Variants in KDM2B observed in about 807,000 individuals in gnomAD.
KDM2B encodes the protein lysine demethylase 2B, also known as lysine-specific demethylase 2B.
KDM2B carries 26 observed loss-of-function variants against 150.0 expected under a neutral mutation model. The observed-to-expected ratio is 0.17, with a 90% CI of 0.13 to 0.24. The LOEUF is 0.24. Among genes scored for constraint, KDM2B ranks in the 10% least tolerant of loss-of-function variants. The pLI is 1.00. For synonymous variants in KDM2B, 734 were observed against 729.5 expected, an observed-to-expected ratio of 1.01 and a Z score of -0.10; for missense variants, 1,265 against 1,816.9, an observed-to-expected ratio of 0.70 and a Z score of 5.52.
At position 121,575,771 on chromosome 12, in the gene KDM2B, A is replaced by T. The variant is rs782453740; in HGVS notation, c.350+10T>A. On this transcript the variant is annotated intron_variant, in intron 3 of 22. Coordinates refer to ENST00000377071, the MANE Select transcript of KDM2B (RefSeq NM_032590.5). This position sits in a 1 kb window ranked among gnomAD's most constrained non-coding sequence, Gnocchi z 4.4. ...GACGGGGGAAGGAGTGATTAGTTTC[A>T]GCAACTTACTTAATTCCCAGTCCAT... is the stretch of plus-strand genomic sequence containing the variant. The T allele has an allele frequency of 6.2e-7, 1 of 1,600,326 alleles. No individual in the cohort carries two copies. Among genetic ancestry groups the T allele is most frequent in the South Asian group, 1.1e-5 (1 of 90,820 alleles).
chr12:121,569,857 TGA>T (rs1265384944), intron 4 of KDM2B, among the ~76,000 whole-genome samples: 1 of 151,764 alleles, frequency 6.6e-6, no homozygotes, highest in African/African-American at 2.4e-5. Flanking sequence ...TTTTTTTTTT[TGA>T]GACAGGATCT....
At chr12:121,580,429 T>C in intron 1 of KDM2B, 1 of 1,153,562 alleles carries the variant, frequency 8.7e-7, no homozygotes, top group Non-Finnish European at 1.1e-6. Flanking sequence ...CGGGCGCCGT[T>C]AGCGCCGTGG....
intron 6 of KDM2B, among the ~76,000 whole-genome samples, chr12:121,539,326 CAAAAAAAAAAAAAAAAAA>C (rs60048517): frequency 3.4e-5 from 2 of 58,592 alleles, no homozygotes; most frequent in African/African-American, 1.4e-4. Flanking sequence ...GACCCTCTCC[CAAAAAAAAAAAAAAAAAA>C]AAAAAAAAAA....
At chr12:121,532,757 C>G in intron 8 of KDM2B, 49 bp downstream of exon 8, 1 of 1,597,830 alleles carries the variant, frequency 6.3e-7, no homozygotes, top group Non-Finnish European at 8.6e-7. Flanking sequence ...AACCCTGGCT[C>G]AGGCCGCAGG....
chr12:121,440,417 G>A (rs1213631730), intron 21 of KDM2B: 6 of 415,046 alleles, frequency 1.4e-5, no homozygotes, highest in South Asian at 5.2e-5. Flanking sequence ...AGTCCAGGGG[G>A]AGGTGCCATC....
chr12:121,437,998 A>G lies in KDM2B; in HGVS notation c.3829+1859T>C, dbSNP rs142235571. ...GCCAGGCGTGGTGGCACACGCCTGTAATCCCAGCACTTTGGGAGGCAGAGG... is the reference window on the plus strand; with the variant it reads ...GCCAGGCGTGGTGGCACACGCCTGTGATCCCAGCACTTTGGGAGGCAGAGG... On this transcript the variant is annotated intron_variant, in intron 22 of 22. Coordinates refer to ENST00000377071, the MANE Select transcript of KDM2B (RefSeq NM_032590.5). Among the ~76,000 whole-genome samples the G allele has an allele frequency of 5.4e-3, 825 of 152,138 alleles. 3 individuals are homozygous for G. Among genetic ancestry groups the G allele is most frequent in the African/African-American group, 0.018 (766 of 41,534 alleles).
chr12:121,511,877 C>T (rs1319005473), intron 10 of KDM2B, among the ~76,000 whole-genome samples: 3 of 152,194 alleles, frequency 2.0e-5, no homozygotes. Flanking sequence ...GGGGGTGTCT[C>T]CCTCACGTTG....
chr12:121,581,020 G>C lies in KDM2B; in HGVS notation c.-109C>G, dbSNP rs1364428507. On this transcript the variant is annotated 5_prime_UTR_variant, in exon 1 of 23. Transcript: ENST00000377071. The stretch of plus-strand genomic sequence containing the variant: ...CACTCAAAGATGTGGACACACACAC[G>C]TACAGGAAATACAGCCAGACCAGAG... 8 of 1,435,888 alleles carry C rather than the reference G, an allele frequency of 5.6e-6. No homozygotes were observed. The East Asian group carries it at 1.9e-4, about 33-fold the overall frequency. The allele number at this position is 1,435,888 out of a possible 1,614,324, so 88.9% of individuals were successfully genotyped here.
In KDM2B at chr12:121,442,845, G is replaced by A. The variant is rs782724170; in HGVS notation, c.2605-9C>T. The A allele has an allele frequency of 4.6e-6, 7 of 1,517,888 alleles. No homozygotes were observed. Among genetic ancestry groups the A allele is most frequent in the African/African-American group, 4.2e-5 (3 of 71,514 alleles). 94.0% of individuals were successfully genotyped at this position (1,517,888 alleles called of 1,614,324 possible). ...TTCTTCCAGGACCGCCGCTGAGGGC[G>A]AGAGCGGAGACGCGTCAGCCTCTGG... On this transcript the variant is annotated splice_polypyrimidine_tract_variant and intron_variant, in intron 18 of 22. Transcript: ENST00000377071. This position sits in a 1 kb window ranked among gnomAD's most constrained non-coding sequence, Gnocchi z 7.7.
rs148118987 is a variant in KDM2B at position 121,445,531 on chromosome 12, G to A, written c.1960-113C>T. On this transcript the variant is annotated intron_variant, in intron 13 of 22. Transcript: ENST00000377071. ...CCCTTGGGCCTGCCAGGAGACCCCC[G>A]GAAAGTGGCCCAGGCACATTCGCTC... The A allele has an allele frequency of 6.3e-3, 6,828 of 1,081,798 alleles. 29 individuals are homozygous for A. Among genetic ancestry groups the A allele is most frequent in the Non-Finnish European group, 7.7e-3 (5,962 of 773,542 alleles). The allele number at this position is 1,081,798 out of a possible 1,614,324, so 67.0% of individuals were successfully genotyped here. A position where few individuals can be genotyped will look rare whatever the true frequency, so the allele number is the denominator to read the frequency against.
chr12:121,549,514 G>A lies in KDM2B; in HGVS notation c.522C>T (p.Ile174=). ...GCTTGGTGTGGCTGAACTCTAGGCT[G>A]ATGACGTTGTACAGCTTGTCCCGCT... ...EAQRDKLYNV[I]SLEFSHTKLE... The change falls in exon 5 of 23, where the codon ATC becomes ATT. Residue 174 remains isoleucine, a synonymous_variant. Coordinates refer to ENST00000377071, the MANE Select transcript of KDM2B (RefSeq NM_032590.5). This position sits in a 1 kb window ranked among gnomAD's most constrained non-coding sequence, Gnocchi z 4.4. The A allele has an allele frequency of 6.2e-7, 1 of 1,613,354 alleles. No homozygotes were observed. The highest frequency in any genetic ancestry group is 8.5e-7 in the Non-Finnish European group (1 of 1,179,428).
At chr12:121,466,059 G>A (rs1295883232) in intron 12 of KDM2B, among the ~76,000 whole-genome samples, 1 of 151,962 alleles carries the variant, frequency 6.6e-6, no homozygotes, top group African/African-American at 2.4e-5. Flanking sequence ...TGCCTGTTAG[G>A]TAAAACCACT....
upstream of KDM2B, among the ~76,000 whole-genome samples, chr12:121,581,836 C>CT (rs370575313): frequency 1.3e-5 from 2 of 152,272 alleles, no homozygotes; most frequent in African/African-American, 4.8e-5. Flanking sequence ...TACGATGTCA[C>CT]TATCAGCATC....
chr12:121,531,555 C>T (rs1887660486), intron 8 of KDM2B, among the ~76,000 whole-genome samples: 1 of 152,216 alleles, frequency 6.6e-6, no homozygotes, highest in Non-Finnish European at 1.5e-5. Flanking sequence ...TACTTGTATG[C>T]CTCCAGTGAC....
chr12:121,412,230 CTTTTTTTTT>C, the KDM2B span, among the ~76,000 whole-genome samples: 2 of 49,610 alleles, frequency 4.0e-5, no homozygotes, highest in African/African-American at 7.9e-5. Context: ...CCCAACTAAT[CTTTTTTTTT>C]TTTTTTTTTT....
intron 8 of KDM2B, among the ~76,000 whole-genome samples, chr12:121,532,600 G>A (rs1364496082): frequency 6.6e-6 from 1 of 152,228 alleles, no homozygotes; most frequent in Non-Finnish European, 1.5e-5. Flanking sequence ...AAGGGAGAGA[G>A]AATTCCAGCC....
downstream of KDM2B, among the ~76,000 whole-genome samples, chr12:121,426,905 T>G (rs540716741): frequency 6.6e-6 from 1 of 152,292 alleles, no homozygotes; most frequent in Admixed American, 6.5e-5. Flanking sequence ...GTTACAGGTA[T>G]GAGCCACTGC....
rs1157115377 is a variant in KDM2B, at chr12:121,452,161, G to A, written c.1959+959C>T. ...GCCCGGGCTGAGGGAGGGGAAAGGGGAGTAGAGCTTCAGTGGGTATGGAGT... is the reference window on the plus strand; with the variant it reads ...GCCCGGGCTGAGGGAGGGGAAAGGGAAGTAGAGCTTCAGTGGGTATGGAGT... On this transcript the variant is annotated intron_variant, in intron 13 of 22. Transcript: ENST00000377071. This position sits in a 1 kb window ranked among gnomAD's most constrained non-coding sequence, Gnocchi z 4.4. 6.6e-6 allele frequency among the ~76,000 whole-genome samples: 1 copy of A among 152,154 alleles called. No homozygotes were observed. Among genetic ancestry groups the A allele is most frequent in the East Asian group, 1.9e-4 (1 of 5,194 alleles).
At chr12:121,542,337 T>TTC (rs1217484848) in intron 6 of KDM2B, among the ~76,000 whole-genome samples, 2 of 152,140 alleles carry the variant, frequency 1.3e-5, no homozygotes, top group African/African-American at 4.8e-5. Flanking sequence ...ACTGCAACAT[T>TTC]TCTCACTATG....
Sources: gnomAD v4.1 joint callset for allele counts (sites outside exome capture counted in the v4.1 genomes callset) on GRCh38, gnomAD v4.1.1 for gene constraint, Gnocchi (gnomAD v3.1) non-coding constraint, MANE v1.5 for transcripts, NCBI Gene and HGNC (gene_info 2026-07-23, HGNC 2026-07-21) for gene names.